Variants in SLC23A2 observed in about 807,000 individuals in gnomAD.
SLC23A2 encodes solute carrier family 23 member 2.
In SLC23A2, 36 loss-of-function variants were observed where a neutral mutation model predicts 73.3. That is an observed-to-expected ratio of 0.49 (90% CI 0.38 to 0.65). The LOEUF (loss-of-function observed/expected upper bound fraction) is 0.65. Ranked by LOEUF, SLC23A2 falls within the 30% of genes least tolerant of loss-of-function variation. SLC23A2 has a pLI of 0.00. For missense variants in SLC23A2, 507 were observed against 841.6 expected, an observed-to-expected ratio of 0.60 and a Z score of 4.92; for synonymous variants, 343 against 327.3, an observed-to-expected ratio of 1.05 and a Z score of -0.52.
chr20:4,961,757 A>G (rs558448373), intron 2 of SLC23A2, among the ~76,000 whole-genome samples: 79 of 152,326 alleles, frequency 5.2e-4, no homozygotes, highest in Admixed American at 1.9e-3. Flanking sequence ...TCCAAGTATC[A>G]CATCACTTCT....
At chr20:4,885,940 C>T (rs35861107) in intron 6 of SLC23A2, 31 bp from the exon 7 acceptor site, 36,294 of 1,488,604 alleles carry the variant, frequency 0.024, 751 homozygotes, top group African/African-American at 0.092. Context: ...ACCATGATCA[C>T]GGCATCGGGA....
chr20:4,941,556 G>A lies in SLC23A2; in HGVS notation c.-154-8840C>T, dbSNP rs547538555. 1.2e-4 allele frequency among the ~76,000 whole-genome samples: 18 copies of A among 151,964 alleles called. No individual in the cohort carries two copies. In the East Asian group the frequency reaches 3.5e-3, roughly 29 times the overall value. On this transcript the variant is annotated intron_variant, in intron 2 of 16. Transcript: ENST00000338244. Reference sequence around the variant, plus strand: ...ATCTCTACTAAAAATATAAAAAATAGCCAGGCGTGGTGGAGCATGCCTGTA... The same window carrying A: ...ATCTCTACTAAAAATATAAAAAATAACCAGGCGTGGTGGAGCATGCCTGTA...
intron 2 of SLC23A2, among the ~76,000 whole-genome samples, chr20:4,950,473 T>G (rs1047041383): frequency 6.6e-6 from 1 of 152,134 alleles, no homozygotes; most frequent in Non-Finnish European, 1.5e-5. Flanking sequence ...CAACGTGGCA[T>G]CCAGCAGGCA....
chr20:4,961,192 G>C (rs6107559), intron 2 of SLC23A2, among the ~76,000 whole-genome samples: 65,230 of 148,686 alleles, frequency 0.44, 14,933 homozygotes, highest in East Asian at 0.6. Flanking sequence ...ACTGCAACCT[G>C]CACCTCCCAG....
chr20:4,974,498 T>A (rs1291288564), intron 1 of SLC23A2, among the ~76,000 whole-genome samples: 5 of 151,766 alleles, frequency 3.3e-5, no homozygotes, highest in Admixed American at 6.6e-5. Flanking sequence ...ATAATAAAAA[T>A]AAATAAAAAG....
chr20:4,882,673 G>A (rs572350171), intron 9 of SLC23A2, among the ~76,000 whole-genome samples: 3 of 152,222 alleles, frequency 2.0e-5, no homozygotes, highest in East Asian at 3.9e-4. Flanking sequence ...ACATTACGTC[G>A]TGGTGCTCAG....
intron 4 of SLC23A2, among the ~76,000 whole-genome samples, chr20:4,910,159 G>T (rs1224811759): frequency 1.3e-5 from 2 of 152,020 alleles, no homozygotes; most frequent in African/African-American, 4.8e-5. Flanking sequence ...AATCACCTGA[G>T]GTCAGGAGTT....
At position 4,981,267 on chromosome 20, in the gene SLC23A2, G is replaced by A. The variant is rs570791986; in HGVS notation, c.-281-10348C>T. 5.9e-5 allele frequency among the ~76,000 whole-genome samples: 9 copies of A among 152,286 alleles called. No individual in the cohort carries two copies. The South Asian group carries it at 6.2e-4, about 11-fold the overall frequency. On this transcript the variant is annotated intron_variant, in intron 1 of 16. Transcript: ENST00000338244. The stretch of plus-strand genomic sequence containing the variant: ...AGAACTGCATCACAGGTCATATTAC[G>A]TTAAAAGAAAGTGCACGAACAGACC...
chr20:4,924,902 T>C (rs1304203416), intron 3 of SLC23A2, among the ~76,000 whole-genome samples: 1 of 152,174 alleles, frequency 6.6e-6, no homozygotes, highest in Non-Finnish European at 1.5e-5. Flanking sequence ...GAAAGCCCTG[T>C]GGCCAGGCAA....
chr20:4,919,072 ATAT>A (rs1179709165), intron 3 of SLC23A2, among the ~76,000 whole-genome samples: 1 of 152,224 alleles, frequency 6.6e-6, no homozygotes, highest in African/African-American at 2.4e-5. Flanking sequence ...CCTACTTTCA[ATAT>A]TATTAGAAAT....
chr20:4,873,935 C>T lies in SLC23A2; in HGVS notation c.1102+1G>A. 2 of 1,612,106 alleles carry T rather than the reference C, an allele frequency of 1.2e-6. No individual in the cohort carries two copies. Among genetic ancestry groups the T allele is most frequent in the Non-Finnish European group, 1.7e-6 (2 of 1,178,946 alleles). On this transcript the variant is annotated splice_donor_variant, in intron 11 of 16. Transcript: ENST00000338244. LOFTEE classifies it high-confidence loss of function. ...ACCCCTCTAGCCATCAGAATACTTA[C>T]ATGGGTATGGAACCTTAAACCACGG...
At chr20:5,003,963 C>G (rs1019729104), upstream of SLC23A2, among the ~76,000 whole-genome samples, 1 of 152,090 alleles carries the variant, frequency 6.6e-6, no homozygotes, top group Non-Finnish European at 1.5e-5. Flanking sequence ...TATCCATACA[C>G]CCCCCTTCCC....
intron 2 of SLC23A2, among the ~76,000 whole-genome samples, chr20:4,955,320 T>C (rs1211351347): frequency 3.3e-5 from 5 of 151,472 alleles, no homozygotes; most frequent in South Asian, 4.2e-4. Flanking sequence ...TAATTATTTA[T>C]AGGTAATGCA....
At chr20:4,882,343 C>G (rs1457341893) in intron 9 of SLC23A2, among the ~76,000 whole-genome samples, 3 of 151,980 alleles carry the variant, frequency 2.0e-5, no homozygotes, top group Non-Finnish European at 2.9e-5. Context: ...CCACTGCACT[C>G]CAGCCTGGGC....
At chr20:4,940,824 G>T (rs2087028727) in intron 2 of SLC23A2, among the ~76,000 whole-genome samples, 1 of 152,052 alleles carries the variant, frequency 6.6e-6, no homozygotes, top group African/African-American at 2.4e-5. Context: ...CCAGGGACTT[G>T]GGGGGGCGGT....
intron 3 of SLC23A2, among the ~76,000 whole-genome samples, chr20:4,920,674 A>G (rs913358795): frequency 6.6e-6 from 1 of 152,376 alleles, no homozygotes; most frequent in East Asian, 1.9e-4. Context: ...CATCATCTGT[A>G]TATCAGAAAG....
intron 1 of SLC23A2, among the ~76,000 whole-genome samples, chr20:4,977,698 CAA>C (rs1045238895): frequency 2.1e-4 from 16 of 77,298 alleles, no homozygotes; most frequent in African/African-American, 1.9e-4. Flanking sequence ...ACTCTGTCCC[CAA>C]AAAAAAAAAA....
chr20:4,945,557 C>T (rs1225250077), intron 2 of SLC23A2, among the ~76,000 whole-genome samples: 2 of 152,148 alleles, frequency 1.3e-5, no homozygotes, highest in Non-Finnish European at 2.9e-5. Flanking sequence ...GTGCTGGGAT[C>T]ACAGGCATGA....
intron 3 of SLC23A2, 131 bp downstream of exon 3, chr20:4,932,324 A>G (rs1932798899): frequency 4.5e-6 from 3 of 669,134 alleles, no homozygotes; most frequent in Non-Finnish European, 8.2e-6. Flanking sequence ...ACTATCTCAC[A>G]TATAAAGTAT....
Sources: gnomAD v4.1 joint callset for allele counts (sites outside exome capture counted in the v4.1 genomes callset) on GRCh38, gnomAD v4.1.1 for gene constraint, MANE v1.5 for transcripts, NCBI Gene and HGNC (gene_info 2026-07-23, HGNC 2026-07-21) for gene names.